ERBB4: variants seen among roughly 807,000 people sequenced by gnomAD.
ERBB4 encodes the protein receptor tyrosine-protein kinase erbB-4.
ERBB4 carries 42 observed loss-of-function variants against 158.0 expected under a neutral mutation model. The ratio of observed to expected loss-of-function variants is 0.27; its 90% CI spans 0.21 to 0.34. ERBB4 has a LOEUF of 0.34. Among genes scored for constraint, ERBB4 ranks in the 10% least tolerant of loss-of-function variants. ERBB4 has a pLI of 1.00. For missense variants in ERBB4, 1,333 were observed against 1,624.1 expected, an observed-to-expected ratio of 0.82 and a Z score of 3.08; for synonymous variants, 583 against 558.7, an observed-to-expected ratio of 1.04 and a Z score of -0.61.
chr2:212,260,805 T>G (rs1408281345), intron 1 of ERBB4, among the ~76,000 whole-genome samples: 1 of 151,646 alleles, frequency 6.6e-6, no homozygotes, highest in Non-Finnish European at 1.5e-5. Flanking sequence ...AGAACGAGAC[T>G]CTGTCTCAAA....
At chr2:211,411,827 C>G (rs1234628557) in intron 25 of ERBB4, among the ~76,000 whole-genome samples, 2 of 152,038 alleles carry the variant, frequency 1.3e-5, no homozygotes, top group African/African-American at 4.8e-5. Flanking sequence ...GAAAGCTGTA[C>G]TCTAAATAGA....
chr2:211,420,042 T>C (rs2063482432), intron 25 of ERBB4, among the ~76,000 whole-genome samples: 1 of 152,090 alleles, frequency 6.6e-6, no homozygotes, highest in South Asian at 2.1e-4. Flanking sequence ...ATACTTGTAT[T>C]ACTTCTTGAC....
intron 3 of ERBB4, among the ~76,000 whole-genome samples, chr2:211,935,073 T>C (rs753514071): frequency 1.3e-5 from 2 of 152,094 alleles, no homozygotes; most frequent in Non-Finnish European, 2.9e-5. Flanking sequence ...TATAGCATTG[T>C]GATAAAAAGA....
At chr2:211,598,697 T>G (rs765578737) in intron 19 of ERBB4, among the ~76,000 whole-genome samples, 22 of 152,230 alleles carry the variant, frequency 1.4e-4, no homozygotes, top group Non-Finnish European at 2.9e-4. Context: ...TTCTTTTGTA[T>G]AGACTTTATA....
intron 15 of ERBB4, among the ~76,000 whole-genome samples, chr2:211,663,265 A>G (rs988006229): frequency 1.3e-5 from 2 of 152,228 alleles, no homozygotes; most frequent in Non-Finnish European, 2.9e-5. Flanking sequence ...AATCTGGACA[A>G]TATGAAGGTG....
chr2:212,206,755 T>G (rs1251387215), intron 1 of ERBB4, among the ~76,000 whole-genome samples: 1 of 151,574 alleles, frequency 6.6e-6, no homozygotes, highest in Non-Finnish European at 1.5e-5. Flanking sequence ...CCCAGCTAAT[T>G]TTTTTTGTAT....
At chr2:211,940,784 TCTC>T (rs1230665785) in intron 3 of ERBB4, among the ~76,000 whole-genome samples, 1 of 152,048 alleles carries the variant, frequency 6.6e-6, no homozygotes, top group African/African-American at 2.4e-5. Context: ...TTGGCTTATT[TCTC>T]CTCAGATTTC....
intron 1 of ERBB4, among the ~76,000 whole-genome samples, chr2:212,181,295 A>AT (rs1287535396): frequency 6.6e-6 from 1 of 151,564 alleles, no homozygotes; most frequent in East Asian, 1.9e-4. Context: ...CATCACAGAG[A>AT]TTTTTTGTTG....
chr2:211,957,517 C>T (rs839511), intron 2 of ERBB4, among the ~76,000 whole-genome samples: 27,873 of 152,060 alleles, frequency 0.18, 2,857 homozygotes, highest in African/African-American at 0.28. Flanking sequence ...AAGTTCACAT[C>T]CTAGCTTTTA....
In ERBB4 at chr2:211,836,811, A is replaced by G. The variant is rs145241199; in HGVS notation, c.422-48652T>C. On this transcript the variant is annotated intron_variant, in intron 3 of 27. Coordinates refer to ENST00000342788, the MANE Select transcript of ERBB4 (RefSeq NM_005235.3). ...TATTATTATATAATATTTCGGTAAT[A>G]TTATAAATTAGAAAAGATTATATGA... 9.2e-5 allele frequency among the ~76,000 whole-genome samples: 14 copies of G among 152,010 alleles called. No homozygotes were observed. The East Asian group carries it at 2.5e-3, about 27-fold the overall frequency.
At chr2:211,503,349 G>A (rs1349638849) in intron 20 of ERBB4, among the ~76,000 whole-genome samples, 5 of 152,024 alleles carry the variant, frequency 3.3e-5, no homozygotes, top group Non-Finnish European at 7.4e-5. Context: ...ACATTCACAT[G>A]CCCAAGATGG....
intron 7 of ERBB4, among the ~76,000 whole-genome samples, chr2:211,716,610 A>G (rs2073920001): frequency 6.6e-6 from 1 of 151,982 alleles, no homozygotes; most frequent in African/African-American, 2.4e-5. Flanking sequence ...CGGGAGGCGG[A>G]GCTTGCAGTG....
chr2:211,501,856 C>T (rs2065624577), intron 20 of ERBB4, among the ~76,000 whole-genome samples: 1 of 152,072 alleles, frequency 6.6e-6, no homozygotes, highest in Admixed American at 6.5e-5. Context: ...CTCTATTCTG[C>T]TGTTATAAAG....
At chr2:212,439,184 C>A (rs182099144) in intron 1 of ERBB4, among the ~76,000 whole-genome samples, 2,138 of 152,196 alleles carry the variant, frequency 0.014, 47 homozygotes, top group African/African-American at 0.049. Flanking sequence ...CTCAAATTTA[C>A]AGATGAGTAA....
intron 1 of ERBB4, among the ~76,000 whole-genome samples, chr2:212,239,864 A>G (rs2084018257): frequency 6.6e-6 from 1 of 152,242 alleles, no homozygotes; most frequent in Non-Finnish European, 1.5e-5. Context: ...GAATTAAATA[A>G]CAAGCTTTTT....
intron 2 of ERBB4, among the ~76,000 whole-genome samples, chr2:212,090,285 G>C (rs2078734237): frequency 6.6e-6 from 1 of 152,096 alleles, no homozygotes; most frequent in South Asian, 2.1e-4. Flanking sequence ...CCTATTATTT[G>C]TAATCACTGC....
chr2:211,621,774 T>C (rs1487187824), intron 18 of ERBB4, among the ~76,000 whole-genome samples: 2 of 152,210 alleles, frequency 1.3e-5, no homozygotes, highest in Non-Finnish European at 2.9e-5. Context: ...TCCATTTATC[T>C]CTTTTTTTCT....
At chr2:212,208,026 T>C (rs866206028) in intron 1 of ERBB4, among the ~76,000 whole-genome samples, 3 of 152,312 alleles carry the variant, frequency 2.0e-5, no homozygotes, top group Middle Eastern at 6.8e-3. Context: ...ATGTGTGTTA[T>C]TGTAATACAT....
intron 19 of ERBB4, among the ~76,000 whole-genome samples, chr2:211,578,342 T>C (rs116489169): frequency 0.018 from 2,731 of 152,284 alleles, 74 homozygotes; most frequent in African/African-American, 0.061. Flanking sequence ...TGTTCCTGAA[T>C]AGGAAGAATT....
Sources: allele counts gnomAD v4.1 joint callset (sites outside exome capture counted in the v4.1 genomes callset), GRCh38; gene constraint gnomAD v4.1.1; transcripts MANE v1.5; gene names NCBI Gene and HGNC (gene_info 2026-07-23, HGNC 2026-07-21).